ADGRF5: variants seen among roughly 807,000 people sequenced by gnomAD.
ADGRF5 encodes the protein adhesion G protein-coupled receptor F5.
A neutral mutation model predicts 132.3 loss-of-function variants in ADGRF5; 75 were observed. The ratio of observed to expected loss-of-function variants is 0.57; its 90% CI spans 0.47 to 0.69. ADGRF5 has a LOEUF of 0.69. Among genes scored for constraint, ADGRF5 ranks in the 30% least tolerant of loss-of-function variants. The pLI, the probability that ADGRF5 is intolerant of heterozygous loss-of-function variation, is 0.00. For synonymous variants in ADGRF5, 629 were observed against 597.6 expected (o/e 1.05, Z -0.77); for missense variants, 1,516 against 1,630.6 (o/e 0.93, Z 1.21).
At chr6:46,947,667 C>T (rs1778348629) in intron 1 of ADGRF5, among the ~76,000 whole-genome samples, 1 of 152,212 alleles carries the variant, frequency 6.6e-6, no homozygotes, top group African/African-American at 2.4e-5. Context: ...AGGAAATTCC[C>T]AGGCCCCACT....
At chr6:46,901,283 G>C (rs1271122115) in intron 2 of ADGRF5, among the ~76,000 whole-genome samples, 1 of 152,102 alleles carries the variant, frequency 6.6e-6, no homozygotes, top group Non-Finnish European at 1.5e-5. Flanking sequence ...ATCCCTGCCT[G>C]CCTACAGGTT....
At chr6:46,895,930 C>A (rs1361437736) in intron 3 of ADGRF5, among the ~76,000 whole-genome samples, 1 of 152,116 alleles carries the variant, frequency 6.6e-6, no homozygotes, top group East Asian at 1.9e-4. Flanking sequence ...AAAGCACCAT[C>A]TCCTAGGTTT....
chr6:46,878,623 A>T (rs1369169116), intron 9 of ADGRF5, among the ~76,000 whole-genome samples: 4 of 152,194 alleles, frequency 2.6e-5, no homozygotes, highest in African/African-American at 9.7e-5. Flanking sequence ...TTCTAAGGAA[A>T]TAGTAGAAAT....
intron 2 of ADGRF5, among the ~76,000 whole-genome samples, chr6:46,901,653 A>T (rs754982438): frequency 2.0e-5 from 3 of 152,194 alleles, no homozygotes; most frequent in Non-Finnish European, 2.9e-5. Flanking sequence ...GCAGAGCAGG[A>T]TTCAAACCCA....
upstream of ADGRF5, among the ~76,000 whole-genome samples, chr6:46,926,482 AGG>A (rs5875991): frequency 0.033 from 4,972 of 151,452 alleles, 173 homozygotes; most frequent in South Asian, 0.13. Context: ...ATCTCGGGTG[AGG>A]GGGGGGGCAG....
chr6:46,855,200 G>A (rs1197369121), intron 20 of ADGRF5, among the ~76,000 whole-genome samples: 1 of 151,910 alleles, frequency 6.6e-6, no homozygotes, highest in African/African-American at 2.4e-5. Context: ...TTTTTTCAGT[G>A]AGATACTGTG....
chr6:46,951,287 T>C (rs534481093), intron 1 of ADGRF5, among the ~76,000 whole-genome samples: 2 of 152,320 alleles, frequency 1.3e-5, no homozygotes, highest in South Asian at 4.1e-4. Context: ...AGGAGGCATC[T>C]CATTTGGAAG....
chr6:46,880,095 C>T lies in ADGRF5; in HGVS notation c.815-56G>A, dbSNP rs546619297. The T allele has an allele frequency of 1.5e-4, 178 of 1,178,162 alleles. No homozygotes were observed. The African/African-American group carries it at 2.5e-3, about 17-fold the overall frequency. The allele number at this position is 1,178,162 out of a possible 1,614,324, so 73.0% of individuals were successfully genotyped here. ...CCAAAGCAAATAAATGTCACTGATG[C>T]TACTCACCACACACAACCACCACAA... On this transcript the variant is annotated intron_variant, in intron 8 of 20. Coordinates refer to ENST00000283296, the MANE Select transcript of ADGRF5 (RefSeq NM_001098518.2).
chr6:46,893,058 ATTTTTTTTTTTT>A (rs35014340), intron 3 of ADGRF5, among the ~76,000 whole-genome samples: 17 of 86,732 alleles, frequency 2.0e-4, no homozygotes, highest in African/African-American at 6.5e-4. Context: ...GACAACAGGG[ATTTTTTTTTTTT>A]TTTTTTTTTT....
At chr6:46,936,117 T>C (rs1418170200) in intron 1 of ADGRF5, among the ~76,000 whole-genome samples, 1 of 152,204 alleles carries the variant, frequency 6.6e-6, no homozygotes, top group African/African-American at 2.4e-5. Flanking sequence ...TGTCGGGTCC[T>C]GCTCAATCTT....
intron 1 of ADGRF5, among the ~76,000 whole-genome samples, chr6:46,941,387 C>CAAAGA (rs766352637): frequency 0.021 from 1,723 of 83,030 alleles, 49 homozygotes; most frequent in Non-Finnish European, 0.026. Context: ...AAGAAAGAAA[C>CAAAGA]AAAGAAAAGA....
At chr6:46,893,659 C>G (rs777680795) in intron 3 of ADGRF5, among the ~76,000 whole-genome samples, 7 of 152,182 alleles carry the variant, frequency 4.6e-5, no homozygotes, top group Non-Finnish European at 1.0e-4. Context: ...CACTCTCATC[C>G]TCTTCTGCTC....
rs551335215 is a variant in ADGRF5, at chr6:46,888,637, C to G, written c.158-132G>C. The G allele has an allele frequency of 7.7e-6, 5 of 650,136 alleles. No homozygotes were observed. The South Asian group carries it at 1.0e-4, about 13-fold the overall frequency. The allele number at this position is 650,136 out of a possible 1,614,324, so 40.3% of individuals were successfully genotyped here. A position where few individuals can be genotyped will look rare whatever the true frequency, so the allele number is the denominator to read the frequency against. On this transcript the variant is annotated intron_variant, in intron 3 of 20. Transcript: ENST00000283296. Reference sequence around the variant, plus strand: ...TTGGTCTATCAACCCTTAGGAATTTCTAATGAAATCTTTAGAGAAAAAGAA... The same window carrying G: ...TTGGTCTATCAACCCTTAGGAATTTGTAATGAAATCTTTAGAGAAAAAGAA...
intron 3 of ADGRF5, among the ~76,000 whole-genome samples, chr6:46,890,197 A>T (rs535248310): frequency 1.1e-3 from 160 of 151,992 alleles, no homozygotes; most frequent in African/African-American, 3.8e-3. Context: ...GGCCCAAGTG[A>T]TTCTCTGGCT....
chr6:46,855,632 C>T (rs556154), intron 20 of ADGRF5, among the ~76,000 whole-genome samples: 126,743 of 152,106 alleles, frequency 0.83, 54,707 homozygotes, highest in East Asian at 0.99. Flanking sequence ...CTACTCTTAT[C>T]TAACATAATT....
chr6:46,932,797 T>C (rs1375272961), intron 1 of ADGRF5, among the ~76,000 whole-genome samples: 4 of 152,204 alleles, frequency 2.6e-5, no homozygotes, highest in African/African-American at 7.2e-5. Flanking sequence ...GTTTAATGCC[T>C]AATAATCGTG....
chr6:46,861,791 T>A lies in ADGRF5; in HGVS notation c.2200-897A>T, dbSNP rs150113569. Among the ~76,000 whole-genome samples the A allele has an allele frequency of 5.3e-5, 8 of 152,356 alleles. No homozygotes were observed. In the East Asian group the frequency reaches 1.5e-3, roughly 29 times the overall value. On this transcript the variant is annotated intron_variant, in intron 15 of 20. Coordinates refer to ENST00000283296, the MANE Select transcript of ADGRF5 (RefSeq NM_001098518.2). ...AAGGAAGCATGATAGAGCAGCATGATCCTTTTCCATTGAAAATGTATGTAG... is the reference window on the plus strand; with the variant it reads ...AAGGAAGCATGATAGAGCAGCATGAACCTTTTCCATTGAAAATGTATGTAG...
chr6:46,923,577 G>A (rs1337948371), upstream of ADGRF5, among the ~76,000 whole-genome samples: 1 of 152,186 alleles, frequency 6.6e-6, no homozygotes, highest in Non-Finnish European at 1.5e-5. Flanking sequence ...GCCTGCTGAG[G>A]GATGCAGTTC....
intron 2 of ADGRF5, chr6:46,905,226 A>G (rs1189580516): frequency 6.6e-6 from 1 of 152,252 alleles, no homozygotes; most frequent in African/African-American, 2.4e-5. Flanking sequence ...AATTCACAAG[A>G]AGCTTAAATG....
Sources: gnomAD v4.1 joint callset for allele counts (sites outside exome capture counted in the v4.1 genomes callset) on GRCh38, gnomAD v4.1.1 for gene constraint, MANE v1.5 for transcripts, NCBI Gene and HGNC (gene_info 2026-07-23, HGNC 2026-07-21) for gene names.